The following ZBBX variants were observed in gnomAD, a reference collection of about 807,000 sequenced individuals.
ZBBX encodes zinc finger B-box domain containing, also known as zinc finger B-box domain-containing protein 1.
A neutral mutation model predicts 108.5 loss-of-function variants in ZBBX; 101 were observed. That is an observed-to-expected ratio of 0.93 (90% CI 0.79 to 1.10). ZBBX has a LOEUF of 1.10. ZBBX is among the 50% of genes least tolerant of loss of function. ZBBX has a pLI of 0.00. For missense variants in ZBBX, 1,009 were observed against 941.4 expected (o/e 1.07, Z -0.94); for synonymous variants, 356 against 323.4 (o/e 1.10, Z -1.08).
chr3:167,234,056 C>G, the ZBBX span, among the ~76,000 whole-genome samples: 2 of 151,690 alleles, frequency 1.3e-5, no homozygotes, highest in East Asian at 3.9e-4. Flanking sequence ...ATCAGGAAAC[C>G]CTAAGTGTCC....
At chr3:167,393,782 A>G (rs1326898419) in intron 1 of ZBBX, among the ~76,000 whole-genome samples, 1 of 151,932 alleles carries the variant, frequency 6.6e-6, no homozygotes, top group Non-Finnish European at 1.5e-5. Flanking sequence ...TTGAACTATT[A>G]GATTACAAGT....
chr3:167,201,500 A>T, the ZBBX span, among the ~76,000 whole-genome samples: 5 of 152,130 alleles, frequency 3.3e-5, no homozygotes, highest in African/African-American at 1.2e-4. Context: ...CCCATTACTG[A>T]TGGTTTCCAT....
In ZBBX at chr3:167,250,337, C is replaced by T. The variant is rs566477333; in HGVS notation, c.2255-7694G>A. 3.3e-4 allele frequency among the ~76,000 whole-genome samples: 50 copies of T among 152,242 alleles called. No homozygotes were observed. The South Asian group carries it at 7.0e-3, about 21-fold the overall frequency. On this transcript the variant is annotated intron_variant, in intron 20 of 21. Transcript: ENST00000675490. ...TGTGCCTGCTAACTGCTAAAAGATACGGCAAGAACAGTTATTTCTCTTCCA... is the reference window on the plus strand; with the variant it reads ...TGTGCCTGCTAACTGCTAAAAGATATGGCAAGAACAGTTATTTCTCTTCCA...
the ZBBX span, among the ~76,000 whole-genome samples, chr3:167,228,395 A>C: frequency 0.013 from 2,024 of 151,834 alleles, 22 homozygotes; most frequent in South Asian, 0.026. Context: ...GTAGTATTCC[A>C]CTCAATTAAA....
At chr3:167,196,179 T>G in the ZBBX span, among the ~76,000 whole-genome samples, 1 of 152,240 alleles carries the variant, frequency 6.6e-6, no homozygotes, top group Non-Finnish European at 1.5e-5. Context: ...TATCAGTGTC[T>G]GTGGTATGAT....
chr3:167,256,653 T>G (rs1357684193), intron 20 of ZBBX, among the ~76,000 whole-genome samples: 1 of 121,296 alleles, frequency 8.2e-6, no homozygotes, highest in Non-Finnish European at 1.6e-5. Flanking sequence ...GTAATTATCC[T>G]TCTATTTTCT....
At chr3:167,306,574 TTTAAAA>T (rs200936015) in intron 16 of ZBBX, among the ~76,000 whole-genome samples, 2,123 of 152,300 alleles carry the variant, frequency 0.014, 25 homozygotes, top group South Asian at 0.026. Flanking sequence ...GAAGGCACTC[TTTAAAA>T]TTGTCAGTGT....
At chr3:167,225,944 G>A in the ZBBX span, among the ~76,000 whole-genome samples, 2 of 151,506 alleles carry the variant, frequency 1.3e-5, no homozygotes, top group African/African-American at 4.8e-5. Context: ...AGTTATAAAA[G>A]CCTATTCAGG....
chr3:167,248,039 G>A (rs1283663197), intron 20 of ZBBX, among the ~76,000 whole-genome samples: 1 of 152,092 alleles, frequency 6.6e-6, no homozygotes, highest in African/African-American at 2.4e-5. Flanking sequence ...TAAGTAAAAC[G>A]AGCATTAGGT....
chr3:167,274,593 T>A (rs1412239508), intron 20 of ZBBX, among the ~76,000 whole-genome samples: 1 of 152,234 alleles, frequency 6.6e-6, no homozygotes, highest in African/African-American at 2.4e-5. Context: ...GTTCTCCAAC[T>A]TAACTTTCTT....
the ZBBX span, among the ~76,000 whole-genome samples, chr3:167,198,660 G>T: frequency 2.0e-4 from 30 of 152,254 alleles, no homozygotes; most frequent in East Asian, 5.4e-3. Context: ...ATACTTATCA[G>T]ATATGAATGG....
the ZBBX span, among the ~76,000 whole-genome samples, chr3:167,209,347 T>C: frequency 6.6e-6 from 1 of 152,014 alleles, no homozygotes; most frequent in East Asian, 2.0e-4. Flanking sequence ...GCCACAGGGG[T>C]ACTTGTGTCA....
the ZBBX span, among the ~76,000 whole-genome samples, chr3:167,218,905 C>T: frequency 3.2e-4 from 49 of 151,948 alleles, no homozygotes; most frequent in African/African-American, 1.1e-3. Flanking sequence ...TGTAAAGACA[C>T]ACATAGACTG....
At chr3:167,386,665 T>C (rs1246778592) in intron 1 of ZBBX, among the ~76,000 whole-genome samples, 1 of 152,100 alleles carries the variant, frequency 6.6e-6, no homozygotes, top group Non-Finnish European at 1.5e-5. Flanking sequence ...CAATTATTTA[T>C]AATTGATATA....
At chr3:167,352,699 T>C (rs1339140904) in intron 8 of ZBBX, among the ~76,000 whole-genome samples, 1 of 142,986 alleles carries the variant, frequency 7.0e-6, no homozygotes, top group African/African-American at 2.7e-5. Flanking sequence ...ATACCATTAA[T>C]AAACATAGAT....
intron 21 of ZBBX, among the ~76,000 whole-genome samples, chr3:167,241,601 T>C (rs996723423): frequency 1.3e-5 from 2 of 152,224 alleles, no homozygotes; most frequent in East Asian, 3.9e-4. Flanking sequence ...AATGCAAAAA[T>C]CCAGGCTGAG....
intron 10 of ZBBX, among the ~76,000 whole-genome samples, chr3:167,332,739 AG>A (rs1240010730): frequency 6.6e-6 from 1 of 152,214 alleles, no homozygotes; most frequent in Admixed American, 6.5e-5. Context: ...GGCACGAAGA[AG>A]AAACTTTTAA....
chr3:167,295,727 A>AT (rs1731540640), intron 18 of ZBBX, among the ~76,000 whole-genome samples: 1 of 12,222 alleles, frequency 8.2e-5, no homozygotes, highest in East Asian at 4.0e-3. Context: ...ATATATATAT[A>AT]TATATATATA....
intron 20 of ZBBX, chr3:167,252,330 G>C: frequency 1.8e-6 from 1 of 549,484 alleles, no homozygotes; most frequent in Non-Finnish European, 2.9e-6. Flanking sequence ...GTATGTCTGA[G>C]AGCAAACCTC....
Sources: allele counts gnomAD v4.1 joint callset (sites outside exome capture counted in the v4.1 genomes callset), GRCh38; gene constraint gnomAD v4.1.1; transcripts MANE v1.5; gene names NCBI Gene and HGNC (gene_info 2026-07-23, HGNC 2026-07-21).